Variants in GSG1L2 observed in about 807,000 individuals in gnomAD.
GSG1L2 encodes germ cell-specific gene 1-like protein 2.
Under a neutral mutation model 9.0 loss-of-function variants are expected in GSG1L2, and 15 were observed. That is an observed-to-expected ratio of 1.67 (90% CI 1.12 to 2.57). The LOEUF is 2.57. GSG1L2 is among the 30% of genes most tolerant of loss of function. GSG1L2 has a pLI of 0.00. For synonymous variants in GSG1L2, 127 were observed against 57.9 expected, an observed-to-expected ratio of 2.19 and a Z score of -5.41; for missense variants, 286 against 150.3, an observed-to-expected ratio of 1.90 and a Z score of -4.72.
intron 4 of GSG1L2, among the ~76,000 whole-genome samples, chr17:9,806,632 T>C (rs1036452849): frequency 1.3e-5 from 2 of 152,210 alleles, no homozygotes; most frequent in Non-Finnish European, 2.9e-5. Context: ...TGGCCACGGT[T>C]GAGAACCCAC....
intron 4 of GSG1L2, among the ~76,000 whole-genome samples, chr17:9,803,601 C>T (rs2066505853): frequency 6.6e-6 from 1 of 152,132 alleles, no homozygotes; most frequent in African/African-American, 2.4e-5. Context: ...CAAAGAACAA[C>T]CTAGAGAAGA....
intron 4 of GSG1L2, among the ~76,000 whole-genome samples, chr17:9,807,239 G>A (rs1186290605): frequency 1.3e-5 from 2 of 151,956 alleles, no homozygotes; most frequent in Non-Finnish European, 2.9e-5. Context: ...AATTTCTCGG[G>A]GACTTTACTA....
intron 4 of GSG1L2, among the ~76,000 whole-genome samples, 187 bp from the exon 5 acceptor site, chr17:9,802,831 T>A (rs1293150413): frequency 6.6e-6 from 1 of 152,046 alleles, no homozygotes; most frequent in Non-Finnish European, 1.5e-5. Context: ...GTTAAGAGAA[T>A]GGATTCTGGA....
At chr17:9,815,883 C>T (rs1182877713) in intron 1 of GSG1L2, among the ~76,000 whole-genome samples, 4 of 152,002 alleles carry the variant, frequency 2.6e-5, no homozygotes, top group African/African-American at 4.8e-5. Context: ...AAGAGATGCT[C>T]GAGTCATGAA....
At chr17:9,816,920 G>GTTTCTC (rs1342820563) in intron 1 of GSG1L2, among the ~76,000 whole-genome samples, 1 of 139,392 alleles carries the variant, frequency 7.2e-6, no homozygotes, top group South Asian at 2.2e-4. Context: ...CTGTGTGTGT[G>GTTTCTC]TGTGTGTGTG....
At chr17:9,802,726 C>G in intron 4 of GSG1L2, 82 bp from the exon 5 acceptor site, 3 of 652,826 alleles carry the variant, frequency 4.6e-6, no homozygotes. Flanking sequence ...GGGGGTCAAT[C>G]TGGAGAAAAC....
At chr17:9,816,910 CTGTG>C (rs56337214) in intron 1 of GSG1L2, among the ~76,000 whole-genome samples, 1,669 of 94,346 alleles carry the variant, frequency 0.018, 63 homozygotes, top group African/African-American at 0.061. Flanking sequence ...GTGTGTGTAT[CTGTG>C]TGTGTGTGTG....
chr17:9,805,771 G>A (rs767896079), intron 4 of GSG1L2: 1 of 152,190 alleles, frequency 6.6e-6, no homozygotes, highest in Non-Finnish European at 1.5e-5. Context: ...TGGGGGTTTG[G>A]AAGTAAAACT....
At position 9,816,745 on chromosome 17, in the gene GSG1L2, C is replaced by CTG. The variant is rs547710238; in HGVS notation, c.310+5015_310+5016dup. Among the ~76,000 whole-genome samples the CTG allele has an allele frequency of 5.3e-3, 709 of 132,848 alleles. 7 individuals are homozygous for CTG. The highest frequency in any genetic ancestry group is 0.018 in the African/African-American group (639 of 34,988). The allele number at this position is 132,848 out of a possible 152,430, so 87.2% of individuals were successfully genotyped here. ...TGTGTCTGTGTGTGCATGTGTGTAT[C>CTG]TGTGTGTGTATCTGTGTCTGTGTGT... On this transcript the variant is annotated intron_variant, in intron 1 of 4. Transcript: ENST00000399363.
chr17:9,821,176 G>A (rs1055073470), intron 1 of GSG1L2, among the ~76,000 whole-genome samples: 1 of 152,188 alleles, frequency 6.6e-6, no homozygotes, highest in African/African-American at 2.4e-5. Flanking sequence ...AAGCAGAAAG[G>A]GAAGAGTACT....
At chr17:9,810,435 G>A in intron 2 of GSG1L2, 136 bp downstream of exon 2, 1 of 640,294 alleles carries the variant, frequency 1.6e-6, no homozygotes, top group Middle Eastern at 4.1e-4. Flanking sequence ...AGAGCCTGTG[G>A]TTCTAGCTTT....
chr17:9,817,448 G>A (rs1180675378), intron 1 of GSG1L2, among the ~76,000 whole-genome samples: 3 of 138,716 alleles, frequency 2.2e-5, no homozygotes, highest in Non-Finnish European at 4.6e-5. Flanking sequence ...TTTTTTCCTC[G>A]AAGTCTCACT....
chr17:9,813,955 G>A (rs938346005), intron 1 of GSG1L2, among the ~76,000 whole-genome samples: 1 of 132,112 alleles, frequency 7.6e-6, no homozygotes, highest in African/African-American at 3.1e-5. Context: ...TGTTTTTTTT[G>A]ACGGAGGCTC....
rs1195004794 is a variant in GSG1L2, at chr17:9,802,634, C to T, written c.634G>A (p.Gly212Ser). 17 of 702,706 alleles carry T rather than the reference C, an allele frequency of 2.4e-5. No homozygotes were observed. Among genetic ancestry groups the T allele is most frequent in the Non-Finnish European group, 2.3e-5 (9 of 384,962 alleles). 43.5% of individuals were successfully genotyped at this position (702,706 alleles called of 1,614,324 possible). ...ACAGCCAGGCAGAGGGCGAAAGAACCCCAGGCAAGGCTGTCAACAGAAGGC... is the reference window on the plus strand; with the variant it reads ...ACAGCCAGGCAGAGGGCGAAAGAACTCCAGGCAAGGCTGTCAACAGAAGGC... ...DYGWSYCLAW[G>S]SFALCLAVSV... Residue 212 changes from glycine (G) to serine (S), a missense_variant, in exon 5 of 5, where the codon GGT becomes AGT. Transcript: ENST00000399363.
intron 4 of GSG1L2, among the ~76,000 whole-genome samples, chr17:9,802,900 T>TG (rs2066502631): frequency 6.6e-6 from 1 of 152,182 alleles, no homozygotes; most frequent in Admixed American, 6.5e-5. Flanking sequence ...GACCTTGAGC[T>TG]GGTTGCTTTA....
chr17:9,812,411 C>T (rs1438644124), intron 1 of GSG1L2, among the ~76,000 whole-genome samples: 3 of 152,142 alleles, frequency 2.0e-5, no homozygotes, highest in African/African-American at 7.2e-5. Context: ...GACTTCCCAA[C>T]ACACAGCCCA....
intron 3 of GSG1L2, among the ~76,000 whole-genome samples, 188 bp downstream of exon 3, chr17:9,808,642 C>T (rs2066525277): frequency 6.6e-6 from 1 of 152,200 alleles, no homozygotes; most frequent in Admixed American, 6.5e-5. Flanking sequence ...CCCTTTTCAT[C>T]TGTCACCCTA....
At chr17:9,815,059 C>A (rs1018593493) in intron 1 of GSG1L2, among the ~76,000 whole-genome samples, 3 of 152,184 alleles carry the variant, frequency 2.0e-5, no homozygotes, top group Non-Finnish European at 2.9e-5. Context: ...GGGTAGAGTT[C>A]TTGGAGGTGG....
rs145367824 is a variant in GSG1L2, at chr17:9,812,572, C to T, written c.311-1954G>A. On this transcript the variant is annotated intron_variant, in intron 1 of 4. Coordinates refer to ENST00000399363, the MANE Select transcript of GSG1L2 (RefSeq NM_001310219.2). ...ATCTGGAGACTGGAAGTCTGAGATG[C>T]CTGCATGGTGGGGTTCTGGTGAGGG... Among the ~76,000 whole-genome samples, 1,167 of 152,254 alleles carry T rather than the reference C, an allele frequency of 7.7e-3. 10 individuals are homozygous for T. The highest frequency in any genetic ancestry group is 0.012 in the Non-Finnish European group (831 of 68,030).
Sources: allele counts gnomAD v4.1 joint callset (sites outside exome capture counted in the v4.1 genomes callset), GRCh38; gene constraint gnomAD v4.1.1; transcripts MANE v1.5; gene names NCBI Gene and HGNC (gene_info 2026-07-23, HGNC 2026-07-21).